The following SUPT20H variants were observed in gnomAD, a reference collection of about 807,000 sequenced individuals.
SUPT20H encodes the protein transcription factor SPT20 homolog.
In SUPT20H, 82 loss-of-function variants were observed where a neutral mutation model predicts 122.8. That is an observed-to-expected ratio of 0.67 (90% CI 0.56 to 0.80). The LOEUF (loss-of-function observed/expected upper bound fraction) is 0.80, where lower values mean the gene tolerates loss of function less well. Ranked by LOEUF, SUPT20H falls within the 30% of genes least tolerant of loss-of-function variation. The pLI is 0.00. For missense variants in SUPT20H, 831 were observed against 921.6 expected, an observed-to-expected ratio of 0.90 and a Z score of 1.27; for synonymous variants, 291 against 313.0, an observed-to-expected ratio of 0.93 and a Z score of 0.74.
chr13:37,047,709 C>T lies in SUPT20H; in HGVS notation c.99-108G>A, dbSNP rs2066764481. ...ATTTTCACATTTTTGCCTCAATTTC[C>T]CAAAAACTGGGGTGGAGCTGAATAT... On this transcript the variant is annotated intron_variant, in intron 4 of 25. Transcript: ENST00000350612. The T allele has an allele frequency of 7.3e-6, 9 of 1,227,896 alleles. No homozygotes were observed. In the South Asian group the frequency reaches 1.5e-4, roughly 21 times the overall value. The allele number at this position is 1,227,896 out of a possible 1,614,324, so 76.1% of individuals were successfully genotyped here. A position where few individuals can be genotyped will look rare whatever the true frequency, so the allele number is the denominator to read the frequency against.
Position 37,042,546 on chromosome 13 carries a change from T to C in SUPT20H, c.396+1532A>G, listed in dbSNP as rs916507128. On this transcript the variant is annotated intron_variant, in intron 7 of 25. Coordinates refer to ENST00000350612, the MANE Select transcript of SUPT20H (RefSeq NM_001014286.3). ...AGAAAGCAGAGGAAAACCAGGAAAA[T>C]GATGTCTCAGAAGTCAACAGAAAGG... Among the ~76,000 whole-genome samples the C allele has an allele frequency of 1.3e-5, 2 of 151,894 alleles. 1 individual carries two copies. Among genetic ancestry groups the C allele is most frequent in the African/African-American group, 4.8e-5 (2 of 41,358 alleles).
chr13:37,019,326 A>G lies in SUPT20H; in HGVS notation c.1872+16T>C. Reference sequence around the variant, plus strand: ...ATGTACAAAAAATTTAATCAAAAGCAGTATTTCAGGTTTACCTGGAGTAGA... The same window carrying G: ...ATGTACAAAAAATTTAATCAAAAGCGGTATTTCAGGTTTACCTGGAGTAGA... On this transcript the variant is annotated intron_variant, in intron 22 of 25. Transcript: ENST00000350612. 1.3e-6 allele frequency: 2 copies of G among 1,576,306 alleles called. No homozygotes were observed. Among genetic ancestry groups the G allele is most frequent in the South Asian group, 1.2e-5 (1 of 84,474 alleles).
chr13:37,018,655 A>AC (rs1288899315), intron 22 of SUPT20H, among the ~76,000 whole-genome samples: 3 of 151,810 alleles, frequency 2.0e-5, no homozygotes, highest in South Asian at 4.2e-4. Flanking sequence ...TTGTAAATTC[A>AC]CCCCCCTTGT....
rs2066007143 is a variant in SUPT20H at position 37,044,260 on chromosome 13, A to G, written c.293-79T>C. ...GTATAATTCAAATGGCTTTTCAAAG[A>G]ACTATATATAATAAAACCAAAAGGC... On this transcript the variant is annotated intron_variant, in intron 6 of 25. Transcript: ENST00000350612. 7 of 1,119,568 alleles carry G rather than the reference A, an allele frequency of 6.3e-6. No homozygotes were observed. The Admixed American group carries it at 1.5e-4, about 23-fold the overall frequency. The allele number at this position is 1,119,568 out of a possible 1,614,324, so 69.4% of individuals were successfully genotyped here. A position where few individuals can be genotyped will look rare whatever the true frequency, so the allele number is the denominator to read the frequency against.
chr13:37,009,382 C>T lies in SUPT20H; in HGVS notation c.*290G>A, dbSNP rs924299547. 14 of 789,438 alleles carry T rather than the reference C, an allele frequency of 1.8e-5. No individual in the cohort carries two copies. The highest frequency in any genetic ancestry group is 2.7e-5 in the Non-Finnish European group (13 of 480,524). 48.9% of individuals were successfully genotyped at this position (789,438 alleles called of 1,614,324 possible). Reference sequence around the variant, plus strand: ...CAAACGTTTTATACTAAATAAATATCAAACTACATTCTTCTGAAAGATGTT... The same window carrying T: ...CAAACGTTTTATACTAAATAAATATTAAACTACATTCTTCTGAAAGATGTT... On this transcript the variant is annotated 3_prime_UTR_variant, in exon 26 of 26. Coordinates refer to ENST00000350612, the MANE Select transcript of SUPT20H (RefSeq NM_001014286.3).
At chr13:37,029,600 A>C (rs2062939606) in intron 13 of SUPT20H, among the ~76,000 whole-genome samples, 165 bp downstream of exon 13, 1 of 152,200 alleles carries the variant, frequency 6.6e-6, no homozygotes, top group Non-Finnish European at 1.5e-5. Context: ...ATACTCTGAT[A>C]AACAAAATAG....
chr13:37,020,955 A>C (rs1407572495), intron 21 of SUPT20H, among the ~76,000 whole-genome samples: 3 of 152,152 alleles, frequency 2.0e-5, no homozygotes, highest in Non-Finnish European at 4.4e-5. Context: ...CACGACTATG[A>C]GGTAAGTTTT....
chr13:37,014,781 G>A (rs1482696669), intron 23 of SUPT20H, among the ~76,000 whole-genome samples: 1 of 152,060 alleles, frequency 6.6e-6, no homozygotes, highest in African/African-American at 2.4e-5. Context: ...TTCCACTTAC[G>A]AAACTACAAA....
intron 14 of SUPT20H, among the ~76,000 whole-genome samples, chr13:37,027,104 G>T (rs1399916217): frequency 6.6e-6 from 1 of 151,988 alleles, no homozygotes; most frequent in African/African-American, 2.4e-5. Context: ...TAAGTGAAAA[G>T]ATTTTTTTAA....
intron 25 of SUPT20H, 47 bp from the exon 26 acceptor site, chr13:37,009,856 G>C (rs766802613): frequency 3.8e-6 from 6 of 1,569,836 alleles, no homozygotes; most frequent in Non-Finnish European, 4.3e-6. Context: ...ATGCAGGCAG[G>C]TGTAGAAAGG....
chr13:37,020,778 G>A (rs972853293), intron 21 of SUPT20H, among the ~76,000 whole-genome samples: 5 of 151,956 alleles, frequency 3.3e-5, no homozygotes, highest in South Asian at 2.1e-4. Context: ...AAACTGAATC[G>A]TTTCAAGATA....
At chr13:37,033,303 C>T (rs2063728683) in intron 10 of SUPT20H, 146 bp downstream of exon 10, 6 of 976,896 alleles carry the variant, frequency 6.1e-6, no homozygotes, top group Non-Finnish European at 8.6e-6. Context: ...GAGTTTGAGA[C>T]TAGCCTGGGC....
At position 37,022,853 on chromosome 13, in the gene SUPT20H, A is replaced by G; in HGVS notation, c.1592-773T>C. ...ATTTACAAAAAACAGTAATAAAGCA[A>G]ATATCTGAGAGATAATACTGCATCT... On this transcript the variant is annotated intron_variant, in intron 19 of 25. Coordinates refer to ENST00000350612, the MANE Select transcript of SUPT20H (RefSeq NM_001014286.3). The surrounding 1 kb of genome is among the most constrained non-coding windows in gnomAD (Gnocchi z 4.5). 1 of 1,071,416 alleles carries G rather than the reference A, an allele frequency of 9.3e-7. No homozygotes were observed. Among genetic ancestry groups the G allele is most frequent in the Non-Finnish European group, 1.1e-6 (1 of 872,940 alleles). The allele number at this position is 1,071,416 out of a possible 1,614,324, so 66.4% of individuals were successfully genotyped here.
At chr13:37,017,394 A>C in intron 22 of SUPT20H, 30 bp from the exon 23 acceptor site, 3 of 1,574,468 alleles carry the variant, frequency 1.9e-6, no homozygotes, top group Non-Finnish European at 2.6e-6. Context: ...AAATTAACCA[A>C]TTTCACATGA....
chr13:37,018,621 G>A (rs554722491), intron 22 of SUPT20H, among the ~76,000 whole-genome samples: 1 of 152,072 alleles, frequency 6.6e-6, no homozygotes, highest in Non-Finnish European at 1.5e-5. Context: ...TTAAATTAGA[G>A]GACCTAGCAT....
chr13:37,049,068 A>T (rs1024608212), intron 2 of SUPT20H, among the ~76,000 whole-genome samples: 8 of 152,160 alleles, frequency 5.3e-5, no homozygotes, highest in Non-Finnish European at 7.4e-5. Flanking sequence ...AAAACCTACA[A>T]CATCTCTAGC....
rs199498223 is a variant in SUPT20H, at chr13:37,017,330, T to C, written c.1907A>G (p.Gln636Arg). 1.5e-5 allele frequency: 25 copies of C among 1,613,972 alleles called. No individual in the cohort carries two copies. The highest frequency in any genetic ancestry group is 2.0e-5 in the Non-Finnish European group (24 of 1,179,952). Residue 636 changes from glutamine (Q) to arginine (R), a missense_variant, in exon 23 of 26, where the codon CAG (glutamine) becomes CGG (arginine). Coordinates refer to ENST00000350612, the MANE Select transcript of SUPT20H (RefSeq NM_001014286.3). ...PGGSLIFNTL[Q>R]QQQQQLSQFT... ...CTGGGAGAGCTGCTGTTGCTGCTGC[T>C]GCAGAGTGTTAAAAATAAGTGAACC... is the stretch of plus-strand genomic sequence containing the variant.
At position 37,025,437 on chromosome 13, in the gene SUPT20H, C is replaced by T. The variant is rs1194389365; in HGVS notation, c.1212G>A (p.Arg404=). The stretch of plus-strand genomic sequence containing the variant: ...CTAATTCTTGGTACTGATTGACTAC[C>T]CTAAAATATCAGGAGAAAACAGGTA... ...FIIGSKTDAE[R]VVNQYQELVQ... is the part of the protein sequence containing the mutation. The change falls in exon 17 of 26, where the codon AGG becomes AGA. Residue 404 remains arginine, a splice_region_variant and synonymous_variant. Coordinates refer to ENST00000350612, the MANE Select transcript of SUPT20H (RefSeq NM_001014286.3). 6.2e-7 allele frequency: 1 copy of T among 1,604,584 alleles called. No individual in the cohort carries two copies. The highest frequency in any genetic ancestry group is 8.5e-7 in the Non-Finnish European group (1 of 1,172,790).
At chr13:37,024,291 T>A in intron 18 of SUPT20H, 49 bp downstream of exon 18, 1 of 1,521,324 alleles carries the variant, frequency 6.6e-7, no homozygotes. Flanking sequence ...AGATTATGAT[T>A]ATATAATATT....
Sources: gnomAD v4.1 joint callset for allele counts (sites outside exome capture counted in the v4.1 genomes callset) on GRCh38, gnomAD v4.1.1 for gene constraint, Gnocchi (gnomAD v3.1) non-coding constraint, MANE v1.5 for transcripts, NCBI Gene and HGNC (gene_info 2026-07-23, HGNC 2026-07-21) for gene names.